SLC7A5: variants seen among roughly 807,000 people sequenced by gnomAD.
SLC7A5 encodes large neutral amino acids transporter small subunit 1.
A neutral mutation model predicts 50.2 loss-of-function variants in SLC7A5; 23 were observed. The observed-to-expected ratio is 0.46, with a 90% CI of 0.33 to 0.65. The LOEUF (loss-of-function observed/expected upper bound fraction) is 0.65, where lower values mean the gene tolerates loss of function less well. Among genes scored for constraint, SLC7A5 ranks in the 30% least tolerant of loss-of-function variants. SLC7A5 has a pLI of 0.02. For synonymous variants in SLC7A5, 393 were observed against 330.6 expected, an observed-to-expected ratio of 1.19 and a Z score of -2.05; for missense variants, 578 against 684.4, an observed-to-expected ratio of 0.84 and a Z score of 1.73.
rs2055414958 is a variant in SLC7A5 at position 87,862,759 on chromosome 16, G to C, written c.538+6126C>G. Among the ~76,000 whole-genome samples, 1 of 152,248 alleles carries C rather than the reference G, an allele frequency of 6.6e-6. No individual in the cohort carries two copies. Among genetic ancestry groups the C allele is most frequent in the Non-Finnish European group, 1.5e-5 (1 of 68,046 alleles). On this transcript the variant is annotated intron_variant, in intron 1 of 9. Transcript: ENST00000261622. The surrounding 1 kb of genome is among the most constrained non-coding windows in gnomAD (Gnocchi z 5.3). ...TGGGGCCAATCCCATTCCACAGTCA[G>C]AAACAGGCTCGGCGGGGCCAGGTGG...
rs548927276 is a variant in SLC7A5 at position 87,860,755 on chromosome 16, G to A, written c.538+8130C>T. On this transcript the variant is annotated intron_variant, in intron 1 of 9. Transcript: ENST00000261622. This position sits in a 1 kb window ranked among gnomAD's most constrained non-coding sequence, Gnocchi z 4.8. The stretch of plus-strand genomic sequence containing the variant: ...AGGTCAGGATGACTCAGCAGGGATC[G>A]AGTTTGCGGGCGTCACGCTCCAAGG... Among the ~76,000 whole-genome samples, 3 of 152,344 alleles carry A rather than the reference G, an allele frequency of 2.0e-5. No individual in the cohort carries two copies. Among genetic ancestry groups the A allele is most frequent in the Admixed American group, 2.0e-4 (3 of 15,304 alleles).
At chr16:87,840,967 G>T in intron 3 of SLC7A5, 83 bp downstream of exon 3, 2 of 958,870 alleles carry the variant, frequency 2.1e-6, no homozygotes, top group Non-Finnish European at 3.4e-6. Flanking sequence ...ACTGCCCCTT[G>T]ATGGCTGGGA....
chr16:87,868,850 G>T (rs1371191094), intron 1 of SLC7A5, 35 bp downstream of exon 1: 1 of 1,568,278 alleles, frequency 6.4e-7, no homozygotes, highest in Admixed American at 1.9e-5. Context: ...CAGAGACTAC[G>T]ACCTCCCAAC....
In SLC7A5 at chr16:87,862,776, G is replaced by C. The variant is rs896552403; in HGVS notation, c.538+6109C>G. 6.6e-6 allele frequency among the ~76,000 whole-genome samples: 1 copy of C among 152,226 alleles called. No homozygotes were observed. Among genetic ancestry groups the C allele is most frequent in the African/African-American group, 2.4e-5 (1 of 41,460 alleles). On this transcript the variant is annotated intron_variant, in intron 1 of 9. Coordinates refer to ENST00000261622, the MANE Select transcript of SLC7A5 (RefSeq NM_003486.7). This position sits in a 1 kb window ranked among gnomAD's most constrained non-coding sequence, Gnocchi z 5.3. ...CACAGTCAGAAACAGGCTCGGCGGG[G>C]CCAGGTGGATTTCTCAAAGCCTTGG... is the stretch of plus-strand genomic sequence containing the variant.
rs1366108499 is a variant in SLC7A5, at chr16:87,853,984, A to T, written c.539-2135T>A. ...GCGAGTTGCCCAGAATTGCCCAACC[A>T]CGGGCTGTCCTGCCACACTGACGTG... On this transcript the variant is annotated intron_variant, in intron 1 of 9. Transcript: ENST00000261622. This position sits in a 1 kb window ranked among gnomAD's most constrained non-coding sequence, Gnocchi z 4.4. 6.6e-6 allele frequency: 1 copy of T among 151,982 alleles called. No homozygotes were observed. The highest frequency in any genetic ancestry group is 1.5e-5 in the Non-Finnish European group (1 of 68,156). The allele number at this position is 151,982 out of a possible 1,614,324, so 9.4% of individuals were successfully genotyped here.
At position 87,841,956 on chromosome 16, in the gene SLC7A5, G is replaced by A. The variant is rs776938293; in HGVS notation, c.665-801C>T. On this transcript the variant is annotated intron_variant, in intron 2 of 9. Coordinates refer to ENST00000261622, the MANE Select transcript of SLC7A5 (RefSeq NM_003486.7). This position sits in a 1 kb window ranked among gnomAD's most constrained non-coding sequence, Gnocchi z 4.8. ...GTCTTTTGGGGGAAGGGGTGTCTCC[G>A]GAAGGTCACGTGGCTGCTGGGACAG... Among the ~76,000 whole-genome samples the A allele has an allele frequency of 1.2e-4, 18 of 152,348 alleles. No homozygotes were observed. Among genetic ancestry groups the A allele is most frequent in the Non-Finnish European group, 2.4e-4 (16 of 68,036 alleles).
chr16:87,835,547 T>C lies in SLC7A5; in HGVS notation c.1290+951A>G, dbSNP rs145005148. On this transcript the variant is annotated intron_variant, in intron 8 of 9. Transcript: ENST00000261622. Reference sequence around the variant, plus strand: ...CTCTGTCGTCCAGGCTGGAGTACAGTGGCGCGACCTCGGCCTCCCAGGTTC... The same window carrying C: ...CTCTGTCGTCCAGGCTGGAGTACAGCGGCGCGACCTCGGCCTCCCAGGTTC... Among the ~76,000 whole-genome samples the C allele has an allele frequency of 4.1e-3, 631 of 152,338 alleles. 9 individuals are homozygous for C. The highest frequency in any genetic ancestry group is 0.014 in the African/African-American group (587 of 41,584).
In SLC7A5 at chr16:87,861,907, G is replaced by A. The variant is rs1003704007; in HGVS notation, c.538+6978C>T. ...AGGTGCCGGCGGCACTTTCATGTGC[G>A]GCTGGGAAAGTCAGATTTCAGCACT... On this transcript the variant is annotated intron_variant, in intron 1 of 9. Transcript: ENST00000261622. This position sits in a 1 kb window ranked among gnomAD's most constrained non-coding sequence, Gnocchi z 4.2. Among the ~76,000 whole-genome samples the A allele has an allele frequency of 2.6e-5, 4 of 152,214 alleles. No individual in the cohort carries two copies. Among genetic ancestry groups the A allele is most frequent in the African/African-American group, 4.8e-5 (2 of 41,452 alleles).
At chr16:87,858,174 C>T (rs1467126767) in intron 1 of SLC7A5, among the ~76,000 whole-genome samples, 5 of 152,200 alleles carry the variant, frequency 3.3e-5, no homozygotes, top group South Asian at 2.1e-4. Context: ...GTGTGAACTC[C>T]GGCAAGTTCC....
At chr16:87,855,351 C>G (rs1305554524) in intron 1 of SLC7A5, among the ~76,000 whole-genome samples, 1 of 152,074 alleles carries the variant, frequency 6.6e-6, no homozygotes, top group African/African-American at 2.4e-5. Flanking sequence ...GGCACCTGAA[C>G]AGGGAGGGCC....
rs528318985 is a variant in SLC7A5 at position 87,860,475 on chromosome 16, C to T, written c.538+8410G>A. The stretch of plus-strand genomic sequence containing the variant: ...GCCCATCCCCGCCTTGGAGTTGTCC[C>T]GCCTTTCTCGGCAGAACCAACAAAT... On this transcript the variant is annotated intron_variant, in intron 1 of 9. Coordinates refer to ENST00000261622, the MANE Select transcript of SLC7A5 (RefSeq NM_003486.7). This position sits in a 1 kb window ranked among gnomAD's most constrained non-coding sequence, Gnocchi z 4.8. Among the ~76,000 whole-genome samples, 3 of 152,062 alleles carry T rather than the reference C, an allele frequency of 2.0e-5. No homozygotes were observed. Among genetic ancestry groups the T allele is most frequent in the East Asian group, 1.9e-4 (1 of 5,184 alleles).
chr16:87,832,842 G>T lies in SLC7A5; in HGVS notation c.*128C>A. 1 of 784,086 alleles carries T rather than the reference G, an allele frequency of 1.3e-6. No homozygotes were observed. 48.6% of individuals were successfully genotyped at this position (784,086 alleles called of 1,614,324 possible). ...CAGCAGCCTCCACTGCCCGACCTGG[G>T]AGGGACGGCGAGGGACTGGGATGGG... is the stretch of plus-strand genomic sequence containing the variant. On this transcript the variant is annotated 3_prime_UTR_variant, in exon 10 of 10. Transcript: ENST00000261622. This position sits in a 1 kb window ranked among gnomAD's most constrained non-coding sequence, Gnocchi z 4.6.
intron 2 of SLC7A5, among the ~76,000 whole-genome samples, chr16:87,850,765 G>A (rs78004339): frequency 0.026 from 3,954 of 152,302 alleles, 164 homozygotes; most frequent in African/African-American, 0.087. Context: ...GTGTGTCCCA[G>A]GGTCTGTGAC....
At chr16:87,836,854 C>CGGGGAGGAGGGAAGGAGGGA (rs1567488100) in intron 7 of SLC7A5, 2 of 239,290 alleles carry the variant, frequency 8.4e-6, no homozygotes, top group Non-Finnish European at 1.6e-5. Context: ...AGGGAAGAGG[C>CGGGGAGGAGGGAAGGAGGGA]GGGGAGGAGG....
At chr16:87,837,518 T>C in intron 7 of SLC7A5, 1 of 374,650 alleles carries the variant, frequency 2.7e-6, no homozygotes, top group Admixed American at 4.0e-5. Context: ...CTGTGTGTGA[T>C]GCACCCCGCT....
At chr16:87,847,730 G>A (rs1187627544) in intron 2 of SLC7A5, among the ~76,000 whole-genome samples, 5 of 152,188 alleles carry the variant, frequency 3.3e-5, no homozygotes, top group African/African-American at 1.2e-4. Context: ...CAGTGGGGGT[G>A]GGGAGGGACC....
chr16:87,838,412 C>A (rs930232101), intron 6 of SLC7A5, among the ~76,000 whole-genome samples: 4 of 151,980 alleles, frequency 2.6e-5, no homozygotes, highest in African/African-American at 9.7e-5. Context: ...CGACCTCAGC[C>A]CCCCAAGTAG....
intron 2 of SLC7A5, among the ~76,000 whole-genome samples, chr16:87,849,593 G>A (rs570945102): frequency 2.8e-4 from 42 of 152,234 alleles, no homozygotes; most frequent in African/African-American, 8.7e-4. Flanking sequence ...CACCCCTTCC[G>A]TGCCCACTTC....
chr16:87,834,607 G>C lies in SLC7A5; in HGVS notation c.1291-16C>G, dbSNP rs918544289. On this transcript the variant is annotated splice_polypyrimidine_tract_variant and intron_variant, in intron 8 of 9. Transcript: ENST00000261622. ...CCAGGTTCACCTGGGGCAGAGGACAGGGCCTGGGTGAGCCCTCTCCTGTCC... is the reference window on the plus strand; with the variant it reads ...CCAGGTTCACCTGGGGCAGAGGACACGGCCTGGGTGAGCCCTCTCCTGTCC... 8 of 1,573,232 alleles carry C rather than the reference G, an allele frequency of 5.1e-6. No individual in the cohort carries two copies. In the African/African-American group the frequency reaches 1.1e-4, roughly 21 times the overall value.
Sources: gnomAD v4.1 joint callset for allele counts (sites outside exome capture counted in the v4.1 genomes callset) on GRCh38, gnomAD v4.1.1 for gene constraint, Gnocchi (gnomAD v3.1) non-coding constraint, MANE v1.5 for transcripts, NCBI Gene and HGNC (gene_info 2026-07-23, HGNC 2026-07-21) for gene names.